Variants in PPFIA2 observed in about 807,000 individuals in gnomAD.
The protein encoded by PPFIA2 is liprin-alpha-2.
PPFIA2 carries 46 observed loss-of-function variants against 175.5 expected under a neutral mutation model. The observed-to-expected ratio is 0.26, with a 90% CI of 0.21 to 0.34. The LOEUF (loss-of-function observed/expected upper bound fraction) is 0.34, where lower values mean the gene tolerates loss of function less well. Among genes scored for constraint, PPFIA2 ranks in the 10% least tolerant of loss-of-function variants. PPFIA2 has a pLI of 1.00. For synonymous variants in PPFIA2, 568 were observed against 511.4 expected (o/e 1.11, Z -1.49); for missense variants, 1,179 against 1,506.1 (o/e 0.78, Z 3.60).
chr12:81,614,490 C>G (rs2061248561), intron 4 of PPFIA2, among the ~76,000 whole-genome samples: 1 of 151,948 alleles, frequency 6.6e-6, no homozygotes, highest in Non-Finnish European at 1.5e-5. Flanking sequence ...CATTCAAAAT[C>G]CCATGTTTAA....
chr12:81,656,281 T>C (rs1427538814), intron 4 of PPFIA2, among the ~76,000 whole-genome samples: 2 of 152,178 alleles, frequency 1.3e-5, no homozygotes, highest in African/African-American at 4.8e-5. Flanking sequence ...ACCATTTTTC[T>C]ACTTATATTT....
chr12:81,415,157 A>G (rs1319315543), intron 7 of PPFIA2, among the ~76,000 whole-genome samples: 1 of 111,376 alleles, frequency 9.0e-6, no homozygotes, highest in Non-Finnish European at 1.8e-5. Flanking sequence ...TTGCATTGTG[A>G]GAATTTATCT....
chr12:81,368,179 C>T (rs1478898424), intron 13 of PPFIA2: 1 of 1,284,238 alleles, frequency 7.8e-7, no homozygotes, highest in Admixed American at 2.3e-5. Context: ...ATCAATGAGA[C>T]ATATATAACT....
Position 81,569,957 on chromosome 12 carries a change from A to G in PPFIA2, c.303+106834T>C, listed in dbSNP as rs544356346. The stretch of plus-strand genomic sequence containing the variant: ...ATCCACAATTTAAACCCCAAGTTTG[A>G]TAACTGAGAGAATGAGCCATACCTA... On this transcript the variant is annotated intron_variant, in intron 4 of 32. Coordinates refer to ENST00000549396, the MANE Select transcript of PPFIA2 (RefSeq NM_003625.5). 8.7e-4 allele frequency among the ~76,000 whole-genome samples: 133 copies of G among 152,262 alleles called. 1 individual carries two copies. The highest frequency in any genetic ancestry group is 3.1e-3 in the African/African-American group (128 of 41,560).
intron 28 of PPFIA2, among the ~76,000 whole-genome samples, chr12:81,272,529 T>C (rs1326501949): frequency 6.6e-6 from 1 of 151,110 alleles, no homozygotes; most frequent in Non-Finnish European, 1.5e-5. Flanking sequence ...TGATTATTTG[T>C]TAAACATATT....
rs567499432 is a variant in PPFIA2, at chr12:81,719,063, G to C, written c.249+34910C>G. On this transcript the variant is annotated intron_variant, in intron 3 of 32. Coordinates refer to ENST00000549396, the MANE Select transcript of PPFIA2 (RefSeq NM_003625.5). ...AATAAAGAACAAAAAACTATTCTTG[G>C]AAGATAATCATTAAGTAGTTATAAA... Among the ~76,000 whole-genome samples, 259 of 151,632 alleles carry C rather than the reference G, an allele frequency of 1.7e-3. 1 individual carries two copies. The highest frequency in any genetic ancestry group is 5.8e-3 in the African/African-American group (240 of 41,444).
chr12:81,522,681 T>C (rs2063294212), intron 4 of PPFIA2, among the ~76,000 whole-genome samples: 1 of 152,212 alleles, frequency 6.6e-6, no homozygotes, highest in African/African-American at 2.4e-5. Flanking sequence ...ACCTAATCAC[T>C]TCCCTGCCGT....
intron 20 of PPFIA2, among the ~76,000 whole-genome samples, chr12:81,340,735 G>A (rs2057902020): frequency 6.6e-6 from 1 of 151,906 alleles, no homozygotes; most frequent in South Asian, 2.1e-4. Flanking sequence ...CCAAATTTAT[G>A]ATCTTGTCCT....
At chr12:81,373,421 T>C (rs1216814481) in intron 11 of PPFIA2, among the ~76,000 whole-genome samples, 2 of 151,972 alleles carry the variant, frequency 1.3e-5, no homozygotes. Context: ...TGTTTAAATA[T>C]TTTTTCAAAT....
intron 4 of PPFIA2, among the ~76,000 whole-genome samples, chr12:81,586,436 T>C (rs1402872806): frequency 6.6e-6 from 1 of 151,920 alleles, no homozygotes; most frequent in Non-Finnish European, 1.5e-5. Flanking sequence ...ATGCAGCACT[T>C]AGCATACAAA....
At chr12:81,458,228 T>C (rs1460449154) in intron 4 of PPFIA2, among the ~76,000 whole-genome samples, 1 of 152,172 alleles carries the variant, frequency 6.6e-6, no homozygotes, top group Non-Finnish European at 1.5e-5. Context: ...TATACAGCAA[T>C]GTTTATACAG....
At chr12:81,360,355 T>G (rs1452490662) in intron 15 of PPFIA2, among the ~76,000 whole-genome samples, 1 of 151,904 alleles carries the variant, frequency 6.6e-6, no homozygotes, top group Non-Finnish European at 1.5e-5. Context: ...CTCCTGAATC[T>G]CCTGTGACTC....
rs1480192525 is a variant in PPFIA2, at chr12:81,642,768, G to A, written c.303+34023C>T. Among the ~76,000 whole-genome samples the A allele has an allele frequency of 7.0e-3, 65 of 9,352 alleles. 17 individuals are homozygous for A. Among genetic ancestry groups the A allele is most frequent in the East Asian group, 0.026 (11 of 426 alleles). The allele number at this position is 9,352 out of a possible 152,430, so 6.1% of individuals were successfully genotyped here. Reference sequence around the variant, plus strand: ...ATGTATTATATACATACATGTATATGTATGTATGTATTATATACATACATG... The same window carrying A: ...ATGTATTATATACATACATGTATATATATGTATGTATTATATACATACATG... On this transcript the variant is annotated intron_variant, in intron 4 of 32. Coordinates refer to ENST00000549396, the MANE Select transcript of PPFIA2 (RefSeq NM_003625.5).
intron 4 of PPFIA2, among the ~76,000 whole-genome samples, chr12:81,645,225 A>G (rs895959576): frequency 2.3e-4 from 35 of 152,020 alleles, no homozygotes; most frequent in Admixed American, 1.4e-3. Flanking sequence ...AGAAAGAGAA[A>G]GAAGGAACTT....
At chr12:81,491,688 C>T (rs918955345) in intron 4 of PPFIA2, among the ~76,000 whole-genome samples, 8 of 151,948 alleles carry the variant, frequency 5.3e-5, no homozygotes, top group African/African-American at 1.4e-4. Context: ...TCTTGAACTT[C>T]TCAACCTCCA....
intron 4 of PPFIA2, among the ~76,000 whole-genome samples, chr12:81,559,163 G>A (rs2069441975): frequency 6.6e-6 from 1 of 152,150 alleles, no homozygotes; most frequent in African/African-American, 2.4e-5. Context: ...ATTGCTTCAA[G>A]GTACTCTAAC....
intron 4 of PPFIA2, among the ~76,000 whole-genome samples, chr12:81,487,748 A>G (rs1015967739): frequency 6.6e-6 from 1 of 151,890 alleles, no homozygotes; most frequent in African/African-American, 2.4e-5. Flanking sequence ...AGAAACAAAC[A>G]GTGTAGGCAT....
rs574807655 is a variant in PPFIA2, at chr12:81,642,676, T to C, written c.303+34115A>G. 6.1e-4 allele frequency among the ~76,000 whole-genome samples: 38 copies of C among 62,496 alleles called. 6 individuals carry two copies. The highest frequency in any genetic ancestry group is 1.5e-3 in the African/African-American group (37 of 24,228). 41.0% of individuals were successfully genotyped at this position (62,496 alleles called of 152,430 possible). On this transcript the variant is annotated intron_variant, in intron 4 of 32. Coordinates refer to ENST00000549396, the MANE Select transcript of PPFIA2 (RefSeq NM_003625.5). The stretch of plus-strand genomic sequence containing the variant: ...TATGTATCTATTATATACATACATG[T>C]ATGTATCTATTATATACATACATGT...
chr12:81,657,157 A>T (rs937414509), intron 4 of PPFIA2, among the ~76,000 whole-genome samples: 1 of 152,206 alleles, frequency 6.6e-6, no homozygotes, highest in African/African-American at 2.4e-5. Flanking sequence ...CTTCCAGATG[A>T]GTGCTCCTTA....
Sources: allele counts gnomAD v4.1 joint callset (sites outside exome capture counted in the v4.1 genomes callset), GRCh38; gene constraint gnomAD v4.1.1; transcripts MANE v1.5; gene names NCBI Gene and HGNC (gene_info 2026-07-23, HGNC 2026-07-21).